Variants in IL2RA observed in about 807,000 individuals in gnomAD.
The protein encoded by IL2RA is interleukin-2 receptor subunit alpha.
IL2RA carries 24 observed loss-of-function variants against 37.8 expected under a neutral mutation model. The ratio of observed to expected loss-of-function variants is 0.63; its 90% CI spans 0.46 to 0.89. The LOEUF is 0.89. Ranked by LOEUF, IL2RA falls within the 40% of genes least tolerant of loss-of-function variation. IL2RA has a pLI of 0.00. For missense variants in IL2RA, 319 were observed against 348.6 expected (o/e 0.92, Z 0.68); for synonymous variants, 125 against 114.6 (o/e 1.09, Z -0.58).
chr10:6,052,650 C>T (rs1181400165), intron 1 of IL2RA, among the ~76,000 whole-genome samples: 6 of 151,876 alleles, frequency 4.0e-5, no homozygotes, highest in Non-Finnish European at 8.8e-5. Context: ...CGCCCCCCCT[C>T]ACGCCTCAGA....
Position 6,021,845 on chromosome 10 carries a change from A to G in IL2RA, c.368-152T>C. The G allele has an allele frequency of 1.4e-6, 1 of 701,196 alleles. No homozygotes were observed. The highest frequency in any genetic ancestry group is 1.6e-5 in the South Asian group (1 of 62,424). 43.4% of individuals were successfully genotyped at this position (701,196 alleles called of 1,614,324 possible). ...AACCAATATATGTTGAGAACGTCTG[A>G]GCGTGGGGAAGTTTGCTAGGCCCTG... On this transcript the variant is annotated intron_variant, in intron 3 of 7. Coordinates refer to ENST00000379959, the MANE Select transcript of IL2RA (RefSeq NM_000417.3). The surrounding 1 kb of genome is among the most constrained non-coding windows in gnomAD (Gnocchi z 4.9).
rs142016545 is a variant in IL2RA at position 6,025,965 on chromosome 10, T to C, written c.125A>G (p.Lys42Arg). 3.5e-5 allele frequency: 57 copies of C among 1,614,106 alleles called. 1 individual carries two copies. The African/African-American group carries it at 7.2e-4, about 20-fold the overall frequency. Reference protein sequence around the residue: ...PHATFKAMAYKEGTMLNCECK... With the variant: ...PHATFKAMAYREGTMLNCECK... ...TTCACAGTTCAACATGGTTCCTTCCTTGTAGGCCATGGCTTTGAATGTGGC... is the reference window on the plus strand; with the variant it reads ...TTCACAGTTCAACATGGTTCCTTCCCTGTAGGCCATGGCTTTGAATGTGGC... The change falls in exon 2 of 8, where the codon AAG becomes AGG. Residue 42 changes from lysine to arginine, a missense_variant. Transcript: ENST00000379959. The surrounding 1 kb of genome is among the most constrained non-coding windows in gnomAD (Gnocchi z 4.4).
chr10:6,044,641 G>C lies in IL2RA; in HGVS notation c.64+17447C>G, dbSNP rs1023440261. The stretch of plus-strand genomic sequence containing the variant: ...TTGTCCGATGTCTGAGCCCTGCCTC[G>C]GGGGTTGAGTCCCAACTTCTACCTC... On this transcript the variant is annotated intron_variant, in intron 1 of 7. Transcript: ENST00000379959. The surrounding 1 kb of genome is among the most constrained non-coding windows in gnomAD (Gnocchi z 4.5). 6.6e-6 allele frequency among the ~76,000 whole-genome samples: 1 copy of C among 152,134 alleles called. No homozygotes were observed. Among genetic ancestry groups the C allele is most frequent in the Non-Finnish European group, 1.5e-5 (1 of 68,028 alleles).
At position 6,021,336 on chromosome 10, in the gene IL2RA, A is replaced by G; in HGVS notation, c.583+142T>C. On this transcript the variant is annotated intron_variant, in intron 4 of 7. Coordinates refer to ENST00000379959, the MANE Select transcript of IL2RA (RefSeq NM_000417.3). This position sits in a 1 kb window ranked among gnomAD's most constrained non-coding sequence, Gnocchi z 4.9. ...ATTTAAATTTTTTTTTTTTTCTCAG[A>G]ATGAGAAAAAATGGAAGCCCAGGGA... is the stretch of plus-strand genomic sequence containing the variant. The G allele has an allele frequency of 1.3e-6, 1 of 740,982 alleles. No homozygotes were observed. Among genetic ancestry groups the G allele is most frequent in the Non-Finnish European group, 2.3e-6 (1 of 435,246 alleles). The allele number at this position is 740,982 out of a possible 1,614,324, so 45.9% of individuals were successfully genotyped here.
At position 6,015,358 on chromosome 10, in the gene IL2RA, G is replaced by A. The variant is rs1839258698; in HGVS notation, c.795-2462C>T. On this transcript the variant is annotated intron_variant, in intron 7 of 7. Transcript: ENST00000379959. The surrounding 1 kb of genome is among the most constrained non-coding windows in gnomAD (Gnocchi z 4.9). ...TCCGCCTGCCTCGGCCTCCCAAAGT[G>A]CTGGGATTACAAGCGTGAGTCTGGC... 6.6e-6 allele frequency among the ~76,000 whole-genome samples: 1 copy of A among 152,140 alleles called. No homozygotes were observed. Among genetic ancestry groups the A allele is most frequent in the Non-Finnish European group, 1.5e-5 (1 of 68,034 alleles).
At chr10:6,034,335 T>A (rs1441271056) in intron 1 of IL2RA, among the ~76,000 whole-genome samples, 1 of 152,200 alleles carries the variant, frequency 6.6e-6, no homozygotes. Flanking sequence ...TGAAAGGCCT[T>A]GTCAGGAAGT....
intron 1 of IL2RA, among the ~76,000 whole-genome samples, chr10:6,045,059 G>A (rs543654863): frequency 4.3e-4 from 66 of 152,300 alleles, no homozygotes; most frequent in African/African-American, 1.4e-3. Context: ...TGATTCCCTC[G>A]GGAAAGGAGA....
chr10:6,031,726 A>G (rs979670547), intron 1 of IL2RA, among the ~76,000 whole-genome samples: 1 of 151,908 alleles, frequency 6.6e-6, no homozygotes, highest in African/African-American at 2.4e-5. Flanking sequence ...AAATGGAAAA[A>G]TATACTATCT....
intron 1 of IL2RA, 79 bp from the exon 2 acceptor site, chr10:6,026,104 ATC>A: frequency 7.1e-7 from 1 of 1,400,538 alleles, no homozygotes. Context: ...TAATGACTTA[ATC>A]ACATATTTCT....
chr10:6,037,918 T>C (rs1448682916), intron 1 of IL2RA, among the ~76,000 whole-genome samples: 1 of 152,304 alleles, frequency 6.6e-6, no homozygotes, highest in South Asian at 2.1e-4. Flanking sequence ...TCCAAAGATA[T>C]GCCTAATATT....
In IL2RA at chr10:6,025,442, G is replaced by C. The variant is rs1839466450; in HGVS notation, c.256+392C>G. On this transcript the variant is annotated intron_variant, in intron 2 of 7. Coordinates refer to ENST00000379959, the MANE Select transcript of IL2RA (RefSeq NM_000417.3). This position sits in a 1 kb window ranked among gnomAD's most constrained non-coding sequence, Gnocchi z 4.4. The stretch of plus-strand genomic sequence containing the variant: ...TGGCTGAGATGGGCAGATTACTCAA[G>C]GTCAGGAGTTTGAGACCAGCCTGGC... Among the ~76,000 whole-genome samples the C allele has an allele frequency of 6.6e-6, 1 of 151,162 alleles. No individual in the cohort carries two copies. The highest frequency in any genetic ancestry group is 1.5e-5 in the Non-Finnish European group (1 of 67,868).
At chr10:6,053,677 T>C (rs575356067) in intron 1 of IL2RA, among the ~76,000 whole-genome samples, 7 of 152,322 alleles carry the variant, frequency 4.6e-5, no homozygotes, top group African/African-American at 1.7e-4. Context: ...TTTTAAAAAA[T>C]AGAGGTGGGG....
At chr10:6,030,542 C>A (rs565800911) in intron 1 of IL2RA, among the ~76,000 whole-genome samples, 1 of 152,196 alleles carries the variant, frequency 6.6e-6, no homozygotes, top group African/African-American at 2.4e-5. Context: ...TACCTAGAGA[C>A]AATATCCTCT....
intron 7 of IL2RA, among the ~76,000 whole-genome samples, chr10:6,017,509 G>A (rs1839299278): frequency 6.6e-6 from 1 of 151,822 alleles, no homozygotes. Context: ...CATCAAGCCT[G>A]GTGTATAGTG....
At chr10:6,053,228 G>T (rs1017377733) in intron 1 of IL2RA, among the ~76,000 whole-genome samples, 2 of 152,216 alleles carry the variant, frequency 1.3e-5, no homozygotes, top group African/African-American at 4.8e-5. Context: ...TCCTATCCTA[G>T]CCCCTTCCTC....
intron 1 of IL2RA, among the ~76,000 whole-genome samples, chr10:6,049,248 G>A (rs1220455303): frequency 6.6e-6 from 1 of 152,188 alleles, no homozygotes; most frequent in African/African-American, 2.4e-5. Flanking sequence ...AAGAGCAGAC[G>A]ACGGATGTCC....
rs1388438616 is a variant in IL2RA, at chr10:6,057,405, A to T, written c.64+4683T>A. On this transcript the variant is annotated intron_variant, in intron 1 of 7. Transcript: ENST00000379959. The surrounding 1 kb of genome is among the most constrained non-coding windows in gnomAD (Gnocchi z 4.8). ...ACCCTGACCGTGCCAGTATGTCTTC[A>T]TTTGGGAAACTTTTTCATCCCAAAG... is the stretch of plus-strand genomic sequence containing the variant. 6.6e-6 allele frequency among the ~76,000 whole-genome samples: 1 copy of T among 152,194 alleles called. No individual in the cohort carries two copies. Among genetic ancestry groups the T allele is most frequent in the Non-Finnish European group, 1.5e-5 (1 of 68,022 alleles).
In IL2RA at chr10:6,015,768, C is replaced by T. The variant is rs933180781; in HGVS notation, c.794+2285G>A. On this transcript the variant is annotated intron_variant, in intron 7 of 7. Coordinates refer to ENST00000379959, the MANE Select transcript of IL2RA (RefSeq NM_000417.3). The surrounding 1 kb of genome is among the most constrained non-coding windows in gnomAD (Gnocchi z 4.9). ...TAGTTCAAGTTTGAAAACCAATGGC[C>T]GGGTGTAGGGTTGTCAAACCTGGAT... Among the ~76,000 whole-genome samples, 4 of 152,062 alleles carry T rather than the reference C, an allele frequency of 2.6e-5. No homozygotes were observed. Among genetic ancestry groups the T allele is most frequent in the South Asian group, 2.1e-4 (1 of 4,822 alleles).
chr10:6,027,157 C>T (rs534015654), intron 1 of IL2RA, among the ~76,000 whole-genome samples: 1 of 152,214 alleles, frequency 6.6e-6, no homozygotes, highest in South Asian at 2.1e-4. Context: ...ACCACAGTCT[C>T]TACTAAAAAT....
Sources: allele counts gnomAD v4.1 joint callset (sites outside exome capture counted in the v4.1 genomes callset), GRCh38; gene constraint gnomAD v4.1.1; non-coding constraint Gnocchi (gnomAD v3.1); transcripts MANE v1.5; gene names NCBI Gene and HGNC (gene_info 2026-07-23, HGNC 2026-07-21).